The following NASP variants were observed in gnomAD, a reference collection of about 807,000 sequenced individuals.
NASP encodes nuclear autoantigenic sperm protein.
A neutral mutation model predicts 89.5 loss-of-function variants in NASP; 24 were observed. That is an observed-to-expected ratio of 0.27 (90% CI 0.19 to 0.38). The LOEUF (loss-of-function observed/expected upper bound fraction) is 0.38, where lower values mean the gene tolerates loss of function less well. NASP is among the 10% of genes least tolerant of loss of function. The pLI is 1.00. For missense variants in NASP, 848 were observed against 921.4 expected (o/e 0.92, Z 1.03); for synonymous variants, 306 against 324.7 (o/e 0.94, Z 0.62).
intron 1 of NASP, among the ~76,000 whole-genome samples, chr1:45,587,543 T>C (rs1318634540): frequency 2.0e-5 from 3 of 151,380 alleles, no homozygotes; most frequent in Non-Finnish European, 4.4e-5. Context: ...TTTAACTTTT[T>C]ATAATTTGTA....
chr1:45,603,695 C>T (rs775771967), intron 3 of NASP, among the ~76,000 whole-genome samples: 15 of 151,658 alleles, frequency 9.9e-5, no homozygotes, highest in Non-Finnish European at 1.8e-4. Flanking sequence ...CTGCAACCCC[C>T]GCCTCCCTGG....
At chr1:45,614,396 A>G in intron 9 of NASP, 30 bp downstream of exon 9, 3 of 1,519,110 alleles carry the variant, frequency 2.0e-6, no homozygotes, top group Non-Finnish European at 2.7e-6. Flanking sequence ...ATACTCTCCT[A>G]CTCTCTTCAG....
rs201781475 is a variant in NASP at position 45,602,338 on chromosome 1, A to T, written c.191A>T (p.Asn64Ile). 2 of 1,613,644 alleles carry T rather than the reference A, an allele frequency of 1.2e-6. No individual in the cohort carries two copies. ...ATGGGGGATATTCCAGCAGCTGTCA[A>T]TGCATTCCAGGAAGCAGCTAGTCTT... ...LVMGDIPAAV[N>I]AFQEAASLLG... Residue 64 changes from asparagine to isoleucine, a missense_variant, in exon 3 of 15, where the codon AAT becomes ATT. Around this residue, in one of 5 missense-constraint regions of NASP, gnomAD observed 89 missense variants for 79.2 expected, o/e 1.12. Transcript: ENST00000350030.
intron 2 of NASP, among the ~76,000 whole-genome samples, chr1:45,596,780 G>A (rs1004847606): frequency 2.0e-5 from 3 of 151,828 alleles, no homozygotes; most frequent in Admixed American, 6.6e-5. Context: ...TCAGGAGTTC[G>A]AGACCAGTTT....
At position 45,607,659 on chromosome 1, in the gene NASP, G is replaced by C. The variant is rs780732612; in HGVS notation, c.748G>C (p.Val250Leu). ...AGAAAAATCAGTTTCTGGAACTGAT[G>C]TCCAAGAAGAGTGCAGAGAAAAAGG... ...EEEKSVSGTD[V>L]QEECREKGGQ... is the part of the protein sequence containing the mutation. Residue 250 changes from valine (V) to leucine (L), a missense_variant, in exon 6 of 15, where the codon GTC becomes CTC. Val to Leu is a conservative substitution (Grantham distance 32, BLOSUM62 1). Around this residue, in one of 5 missense-constraint regions of NASP, gnomAD observed 464 missense variants for 469.4 expected, o/e 0.99. Transcript: ENST00000350030. 1 of 1,614,072 alleles carries C rather than the reference G, an allele frequency of 6.2e-7. No individual in the cohort carries two copies. The highest frequency in any genetic ancestry group is 8.5e-7 in the Non-Finnish European group (1 of 1,180,036).
rs753061238 is a variant in NASP, at chr1:45,611,877, TG to T, written c.1427-1291del. ...TATCTTTTTTTTTTTTTTTTTTTTT[TG>T]AGACGGAGTCTTGCTCTGTCACCCA... On this transcript the variant is annotated intron_variant, in intron 6 of 14. Transcript: ENST00000350030. The T allele has an allele frequency of 8.8e-3, 1,260 of 143,114 alleles. 31 individuals carry two copies. Among genetic ancestry groups the T allele is most frequent in the African/African-American group, 0.027 (1,013 of 37,702 alleles). 8.9% of individuals were successfully genotyped at this position (143,114 alleles called of 1,614,324 possible). A position where few individuals can be genotyped will look rare whatever the true frequency, so the allele number is the denominator to read the frequency against.
In NASP at chr1:45,615,068, G is replaced by A; in HGVS notation, c.1722G>A (p.Gln574=). ...AGTCCTGCCTTAACCTGCAGGAACAGTACCTGGAAGCCCACGACCGTCTCC... is the reference window on the plus strand; with the variant it reads ...AGTCCTGCCTTAACCTGCAGGAACAATACCTGGAAGCCCACGACCGTCTCC... ...EFQSCLNLQE[Q]YLEAHDRLLA... The change falls in exon 10 of 15, where the codon CAG becomes CAA. Residue 574 remains glutamine, a synonymous_variant. Transcript: ENST00000350030. 3.1e-6 allele frequency: 5 copies of A among 1,614,192 alleles called. No homozygotes were observed. Among genetic ancestry groups the A allele is most frequent in the Non-Finnish European group, 4.2e-6 (5 of 1,180,034 alleles).
At chr1:45,612,461 G>T (rs1256976157) in intron 6 of NASP, 1 of 152,180 alleles carries the variant, frequency 6.6e-6, no homozygotes, top group Non-Finnish European at 1.5e-5. Flanking sequence ...TAGCGCTATT[G>T]ATTAGGAGCC....
intron 2 of NASP, among the ~76,000 whole-genome samples, chr1:45,598,172 C>CTT (rs35993035): frequency 0.2 from 26,814 of 136,586 alleles, 3,044 homozygotes; most frequent in Non-Finnish European, 0.24. Context: ...ACTCCTGTTA[C>CTT]TTTTTTTTTT....
At chr1:45,597,714 T>C (rs1252761517) in intron 2 of NASP, among the ~76,000 whole-genome samples, 2 of 152,220 alleles carry the variant, frequency 1.3e-5, no homozygotes, top group Non-Finnish European at 2.9e-5. Flanking sequence ...TTCAGTAACG[T>C]AACAGTGTAA....
At chr1:45,612,433 T>C (rs1441968704) in intron 6 of NASP, 1 of 152,230 alleles carries the variant, frequency 6.6e-6, no homozygotes, top group African/African-American at 2.4e-5. Context: ...TTAACATTGT[T>C]GATTTGTCTA....
In NASP at chr1:45,607,777, A is replaced by G. The variant is rs1304849488; in HGVS notation, c.866A>G (p.Gln289Arg). 1.2e-6 allele frequency: 2 copies of G among 1,614,096 alleles called. No individual in the cohort carries two copies. Among genetic ancestry groups the G allele is most frequent in the African/African-American group, 2.7e-5 (2 of 74,942 alleles). Residue 289 changes from glutamine to arginine, a missense_variant, in exon 6 of 15, where the codon CAG becomes CGG. Physicochemically the swap from Gln to Arg is conservative, Grantham distance 43. This residue lies in a region of NASP where 464 missense variants were observed against 469.4 expected (regional missense o/e 0.99). Coordinates refer to ENST00000350030, the MANE Select transcript of NASP (RefSeq NM_002482.4). The part of the protein sequence containing the change: ...EEQPVVTLEK[Q>R]GTAVEVEAES... The stretch of plus-strand genomic sequence containing the variant: ...CAGCCTGTGGTGACTCTAGAAAAGC[A>G]GGGCACTGCAGTGGAGGTAGAAGCA...
chr1:45,616,561 T>G lies in NASP; in HGVS notation c.2080-65T>G. On this transcript the variant is annotated intron_variant, in intron 12 of 14. Coordinates refer to ENST00000350030, the MANE Select transcript of NASP (RefSeq NM_002482.4). ...CCTTGTCTCTGAAAAACTAAAAAAT[T>G]ATAAAAGCCTCAGCATTGATCTCAT... 29 of 1,562,592 alleles carry G rather than the reference T, an allele frequency of 1.9e-5. No individual in the cohort carries two copies. The South Asian group carries it at 3.2e-4, about 17-fold the overall frequency.
chr1:45,606,359 T>G, intron 4 of NASP, 123 bp from the exon 5 acceptor site: 1 of 634,218 alleles, frequency 1.6e-6, no homozygotes, highest in Admixed American at 2.9e-5. Context: ...TATACATAGT[T>G]TTGTATTGCC....
In NASP at chr1:45,607,579, A is replaced by G; in HGVS notation, c.668A>G (p.Asn223Ser). 1 of 1,613,976 alleles carries G rather than the reference A, an allele frequency of 6.2e-7. No individual in the cohort carries two copies. The highest frequency in any genetic ancestry group is 8.5e-7 in the Non-Finnish European group (1 of 1,179,888). Residue 223 changes from asparagine (N) to serine (S), a missense_variant, in exon 6 of 15, where the codon AAT becomes AGT. By Grantham distance (46) the Asn-to-Ser change is conservative (BLOSUM62 1). Coordinates refer to ENST00000350030, the MANE Select transcript of NASP (RefSeq NM_002482.4). ...AKGGAAPEGP[N>S]EAEVTSGKPE... ...GGAGGAGCAGCACCAGAAGGACCGA[A>G]TGAAGCTGAGGTCACTTCTGGGAAG...
At chr1:45,617,122 C>A in intron 13 of NASP, 1 of 308,432 alleles carries the variant, frequency 3.2e-6, no homozygotes, top group Non-Finnish European at 6.1e-6. Context: ...GGATTATAAG[C>A]GTGAGCCACT....
chr1:45,588,327 C>T (rs1214468873), intron 1 of NASP, among the ~76,000 whole-genome samples: 1 of 152,150 alleles, frequency 6.6e-6, no homozygotes, highest in East Asian at 1.9e-4. Context: ...TGGTCTCGAA[C>T]TCCTGACCTC....
Position 45,606,470 on chromosome 1 carries a change from T to C in NASP, c.300-12T>C, listed in dbSNP as rs1007930696. 1 of 1,595,060 alleles carries C rather than the reference T, an allele frequency of 6.3e-7. No individual in the cohort carries two copies. Among genetic ancestry groups the C allele is most frequent in the African/African-American group, 1.3e-5 (1 of 74,450 alleles). On this transcript the variant is annotated splice_polypyrimidine_tract_variant and intron_variant, in intron 4 of 14. Coordinates refer to ENST00000350030, the MANE Select transcript of NASP (RefSeq NM_002482.4). ...GCCATCAAACCTTTGGTGCTTTCTT[T>C]TGTTCTCCTAGAATGGAGAATGGTG...
At chr1:45,584,339 A>C in intron 1 of NASP, 134 bp downstream of exon 1, 1 of 668,892 alleles carries the variant, frequency 1.5e-6, no homozygotes. Flanking sequence ...CTGTTCGGGA[A>C]GGCCTGGTCA....
Sources: allele counts gnomAD v4.1 joint callset (sites outside exome capture counted in the v4.1 genomes callset), GRCh38; gene constraint gnomAD v4.1.1; regional missense constraint gnomAD v4.1.1; transcripts MANE v1.5; gene names NCBI Gene and HGNC (gene_info 2026-07-23, HGNC 2026-07-21).